The following PKD2L1 variants were observed in gnomAD, a reference collection of about 807,000 sequenced individuals.
PKD2L1 encodes the protein polycystin 2 like 1, transient receptor potential cation channel.
Under a neutral mutation model 93.0 loss-of-function variants are expected in PKD2L1, and 77 were observed. That is an observed-to-expected ratio of 0.83 (90% CI 0.69 to 1.00). The LOEUF (loss-of-function observed/expected upper bound fraction) is 1.00, where lower values mean the gene tolerates loss of function less well. Ranked by LOEUF, PKD2L1 falls within the 50% of genes least tolerant of loss-of-function variation. The pLI is 0.00. For synonymous variants in PKD2L1, 390 were observed against 388.0 expected, an observed-to-expected ratio of 1.01 and a Z score of -0.06; for missense variants, 977 against 990.9, an observed-to-expected ratio of 0.99 and a Z score of 0.19.
At chr10:100,318,083 CAA>C (rs139393300) in intron 2 of PKD2L1, among the ~76,000 whole-genome samples, 3 of 136,004 alleles carry the variant, frequency 2.2e-5, no homozygotes, top group Non-Finnish European at 4.9e-5. Flanking sequence ...CTGTCTCAAA[CAA>C]AAAAAAAAAA....
intron 2 of PKD2L1, among the ~76,000 whole-genome samples, chr10:100,314,588 C>T (rs1160003204): frequency 6.6e-6 from 1 of 152,302 alleles, no homozygotes; most frequent in East Asian, 1.9e-4. Context: ...TAGCCATCAG[C>T]ACTTTAGGGG....
At chr10:100,305,235 C>T (rs1047444463) in intron 2 of PKD2L1, among the ~76,000 whole-genome samples, 1 of 151,762 alleles carries the variant, frequency 6.6e-6, no homozygotes, top group African/African-American at 2.4e-5. Flanking sequence ...CCTCAGGCTC[C>T]TGAGTAGCTG....
At chr10:100,321,671 GAAAGAA>G (rs1241154605) in intron 2 of PKD2L1, among the ~76,000 whole-genome samples, 9 of 792 alleles carry the variant, frequency 0.011, no homozygotes, top group African/African-American at 0.024. Flanking sequence ...AGAAAAGAAA[GAAAGAA>G]AGAAAGAAAG....
rs1385180453 is a variant in PKD2L1, at chr10:100,294,958, T to C, written c.1522A>G (p.Thr508Ala). 7.4e-6 allele frequency: 12 copies of C among 1,613,534 alleles called. No homozygotes were observed. The highest frequency in any genetic ancestry group is 9.3e-6 in the Non-Finnish European group (11 of 1,179,774). The change falls in exon 8 of 16, where the codon ACT becomes GCT. Residue 508 changes from threonine to alanine, a missense_variant. By Grantham distance (58) the Thr-to-Ala change is moderately conservative. Transcript: ENST00000318222. ...LFGTQVENFSTFIKCIFTQFR... is the reference protein window; with the variant it reads ...LFGTQVENFSAFIKCIFTQFR... ...GACACACACATGCACTTGATGAAAG[T>C]GCTAAAGTTTTCCACTTGGGTCCCG...
chr10:100,294,886 C>G, intron 8 of PKD2L1, 56 bp downstream of exon 8: 1 of 1,490,418 alleles, frequency 6.7e-7, no homozygotes. Context: ...GATACATACA[C>G]CCGTGGAGCT....
chr10:100,297,275 C>T (rs112597099), intron 5 of PKD2L1, 67 bp from the exon 6 acceptor site: 485 of 1,545,938 alleles, frequency 3.1e-4, no homozygotes, highest in African/African-American at 6.4e-4. Flanking sequence ...CACTTCCTCT[C>T]CTCTCCACCC....
Position 100,306,896 on chromosome 10 carries a change from GAAAAAACAAAAAC to G in PKD2L1, c.350-7191_350-7179del, listed in dbSNP as rs1205737061. Among the ~76,000 whole-genome samples, 8 of 113,884 alleles carry G rather than the reference GAAAAAACAAAAAC, an allele frequency of 7.0e-5. No individual in the cohort carries two copies. In the East Asian group the frequency reaches 2.0e-3, roughly 29 times the overall value. The allele number at this position is 113,884 out of a possible 152,430, so 74.7% of individuals were successfully genotyped here. A position where few individuals can be genotyped will look rare whatever the true frequency, so the allele number is the denominator to read the frequency against. The stretch of plus-strand genomic sequence containing the variant: ...AAAGAAAGAGAGAGAAAGAAAGAAA[GAAAAAACAAAAAC>G]AAAAAACTTGATGATCTTTCCTGGT... On this transcript the variant is annotated intron_variant, in intron 2 of 15. Coordinates refer to ENST00000318222, the MANE Select transcript of PKD2L1 (RefSeq NM_016112.3).
In PKD2L1 at chr10:100,329,396, C is replaced by T. The variant is rs1042118344; in HGVS notation, c.236-72G>A. 6 of 1,609,162 alleles carry T rather than the reference C, an allele frequency of 3.7e-6. No homozygotes were observed. In the African/African-American group the frequency reaches 6.7e-5, roughly 18 times the overall value. On this transcript the variant is annotated intron_variant, in intron 1 of 15. Coordinates refer to ENST00000318222, the MANE Select transcript of PKD2L1 (RefSeq NM_016112.3). ...CTCCCAGTCATCCCCACCCATCTGT[C>T]TCTGGACTTTAGCCCCTTTCCACCC...
At chr10:100,292,441 C>T (rs1351210288) in intron 11 of PKD2L1, among the ~76,000 whole-genome samples, 1 of 150,738 alleles carries the variant, frequency 6.6e-6, no homozygotes, top group Non-Finnish European at 1.5e-5. Flanking sequence ...TGCAGTGAGC[C>T]GAGATTGTGC....
intron 7 of PKD2L1, among the ~76,000 whole-genome samples, chr10:100,295,506 T>C (rs1589662345): frequency 1.4e-5 from 2 of 139,962 alleles, no homozygotes; most frequent in African/African-American, 2.7e-5. Flanking sequence ...CTGAGGCAGG[T>C]GGATGGCTCA....
At chr10:100,329,762 G>T in intron 1 of PKD2L1, 107 bp downstream of exon 1, 1 of 769,112 alleles carries the variant, frequency 1.3e-6, no homozygotes, top group Non-Finnish European at 2.2e-6. Flanking sequence ...GACACCGAAA[G>T]GTCACCTCTT....
chr10:100,314,146 A>G (rs770105295), intron 2 of PKD2L1, among the ~76,000 whole-genome samples: 3 of 152,202 alleles, frequency 2.0e-5, no homozygotes, highest in Non-Finnish European at 2.9e-5. Flanking sequence ...AACAGAAACT[A>G]TGTTATCACC....
intron 1 of PKD2L1, 73 bp downstream of exon 1, chr10:100,329,796 C>T: frequency 9.6e-7 from 1 of 1,042,022 alleles, no homozygotes; most frequent in Non-Finnish European, 1.5e-6. Flanking sequence ...TCCACCCCCA[C>T]CCCCTGCCCA....
At chr10:100,302,689 C>A (rs1360086152) in intron 2 of PKD2L1, among the ~76,000 whole-genome samples, 2 of 81,114 alleles carry the variant, frequency 2.5e-5, no homozygotes, top group Admixed American at 1.4e-4. Flanking sequence ...GAGACTCTGT[C>A]CCCCAAAAAA....
chr10:100,311,946 AATCTGGGGATG>A (rs959260470), intron 2 of PKD2L1, among the ~76,000 whole-genome samples: 43 of 152,164 alleles, frequency 2.8e-4, no homozygotes, highest in African/African-American at 9.9e-4. Flanking sequence ...CTTCTCTAGA[AATCTGGGGATG>A]TCTTCCACCC....
intron 2 of PKD2L1, among the ~76,000 whole-genome samples, chr10:100,304,123 T>A (rs1848746456): frequency 6.6e-6 from 1 of 152,240 alleles, no homozygotes; most frequent in African/African-American, 2.4e-5. Context: ...TGTAACTTTT[T>A]AAATTGAAGT....
intron 2 of PKD2L1, among the ~76,000 whole-genome samples, chr10:100,328,269 G>A (rs1258605379): frequency 6.6e-6 from 1 of 152,094 alleles, no homozygotes; most frequent in African/African-American, 2.4e-5. Context: ...TCTTCCCACA[G>A]TCGCCCTCCT....
In PKD2L1 at chr10:100,294,998, G is replaced by A. The variant is rs560029073; in HGVS notation, c.1482C>T (p.Leu494=). Residue 494 remains leucine (L), a synonymous_variant, in exon 8 of 16, where the codon CTC becomes CTT. Coordinates refer to ENST00000318222, the MANE Select transcript of PKD2L1 (RefSeq NM_016112.3). ...FFIVFFAYAQ[L]GYLLFGTQVE... ...CTTGGGTCCCGAAAAGCAGGTAGCC[G>A]AGTTGGGCATAGGCGAAGAAAACAA... is the stretch of plus-strand genomic sequence containing the variant. 49 of 1,614,154 alleles carry A rather than the reference G, an allele frequency of 3.0e-5. No individual in the cohort carries two copies. The highest frequency in any genetic ancestry group is 4.5e-5 in the East Asian group (2 of 44,870).
In PKD2L1 at chr10:100,329,890, G is replaced by A; in HGVS notation, c.214C>T (p.His72Tyr). The part of the protein sequence containing the change: ...YRTQVSSCCL[H>Y]ICQGIRGLWG... ...GTACCTCTGATGCCTTGACAGATAT[G>A]GAGGCAGCAGCTGGACACCTGGGTC... The change falls in exon 1 of 16, where the codon CAT becomes TAT. Residue 72 changes from histidine to tyrosine, a missense_variant. His to Tyr is a moderately conservative substitution (Grantham distance 83, BLOSUM62 2). Coordinates refer to ENST00000318222, the MANE Select transcript of PKD2L1 (RefSeq NM_016112.3). 1.2e-6 allele frequency: 2 copies of A among 1,609,622 alleles called. No individual in the cohort carries two copies. The highest frequency in any genetic ancestry group is 1.7e-6 in the Non-Finnish European group (2 of 1,176,314).
Sources: gnomAD v4.1 joint callset for allele counts (sites outside exome capture counted in the v4.1 genomes callset) on GRCh38, gnomAD v4.1.1 for gene constraint, MANE v1.5 for transcripts, NCBI Gene and HGNC (gene_info 2026-07-23, HGNC 2026-07-21) for gene names.